The following NELL1 variants were observed in gnomAD, a reference collection of about 807,000 sequenced individuals.
NELL1 encodes neural EGFL like 1.
In NELL1, 76 loss-of-function variants were observed where a neutral mutation model predicts 107.4. The ratio of observed to expected loss-of-function variants is 0.71; its 90% CI spans 0.59 to 0.86. The LOEUF is 0.86. Among genes scored for constraint, NELL1 ranks in the 40% least tolerant of loss-of-function variants. The pLI, the probability that NELL1 is intolerant of heterozygous loss-of-function variation, is 0.00. For missense variants in NELL1, 1,024 were observed against 1,005.5 expected, an observed-to-expected ratio of 1.02 and a Z score of -0.25; for synonymous variants, 353 against 341.2, an observed-to-expected ratio of 1.03 and a Z score of -0.38.
At chr11:21,344,180 CA>C in intron 14 of NELL1, among the ~76,000 whole-genome samples, 1 of 152,260 alleles carries the variant, frequency 6.6e-6, no homozygotes, top group East Asian at 1.9e-4. Flanking sequence ...TCCTTGAAAC[CA>C]GCCAGTGTTG....
At chr11:21,096,833 C>A (rs1854654774) in intron 12 of NELL1, among the ~76,000 whole-genome samples, 1 of 152,084 alleles carries the variant, frequency 6.6e-6, no homozygotes, top group Non-Finnish European at 1.5e-5. Flanking sequence ...ACCTCAGCCT[C>A]CTAGGTAGCT....
chr11:21,449,986 CTT>C (rs1396069041), intron 15 of NELL1, among the ~76,000 whole-genome samples: 1 of 152,138 alleles, frequency 6.6e-6, no homozygotes, highest in Admixed American at 6.5e-5. Context: ...AGTTAGCCCT[CTT>C]TGTTTTTCTT....
At chr11:20,906,324 TATAATA>T (rs1183788333) in intron 5 of NELL1, among the ~76,000 whole-genome samples, 1 of 152,040 alleles carries the variant, frequency 6.6e-6, no homozygotes, top group African/African-American at 2.4e-5. Flanking sequence ...TGAAGAGACT[TATAATA>T]AGTAAAGTGT....
chr11:21,055,832 A>G (rs1444368111), intron 12 of NELL1, among the ~76,000 whole-genome samples: 1 of 136,668 alleles, frequency 7.3e-6, no homozygotes, highest in Non-Finnish European at 1.5e-5. Flanking sequence ...GAAGCTCAGT[A>G]AAAATCATTT....
chr11:20,879,639 A>G (rs907247980), intron 4 of NELL1, among the ~76,000 whole-genome samples: 2 of 152,160 alleles, frequency 1.3e-5, no homozygotes, highest in African/African-American at 4.8e-5. Context: ...TAAGCACACA[A>G]TCTTATAAAA....
chr11:20,765,052 G>A (rs561584421), intron 2 of NELL1, among the ~76,000 whole-genome samples: 37 of 152,154 alleles, frequency 2.4e-4, no homozygotes, highest in African/African-American at 8.0e-4. Flanking sequence ...CAGCTACTTC[G>A]GAGGCTGAGG....
At chr11:20,811,815 C>A (rs932319745) in intron 3 of NELL1, among the ~76,000 whole-genome samples, 6 of 151,886 alleles carry the variant, frequency 4.0e-5, no homozygotes, top group African/African-American at 1.4e-4. Flanking sequence ...TTTATTAGTT[C>A]TTATAGTTTT....
At chr11:21,501,780 A>G (rs1165133815) in intron 15 of NELL1, among the ~76,000 whole-genome samples, 1 of 152,170 alleles carries the variant, frequency 6.6e-6, no homozygotes, top group Admixed American at 6.6e-5. Context: ...TGATGGGGTA[A>G]GTGGAGGAAC....
At chr11:21,113,491 T>G (rs1332272759) in intron 12 of NELL1, 98 bp from the exon 13 acceptor site, 1 of 1,260,798 alleles carries the variant, frequency 7.9e-7, no homozygotes, top group Non-Finnish European at 1.1e-6. Flanking sequence ...TCTCTTGGCT[T>G]CTATGGACAT....
chr11:20,828,111 A>G (rs1016363394), intron 3 of NELL1, among the ~76,000 whole-genome samples: 2 of 151,128 alleles, frequency 1.3e-5, no homozygotes, highest in Non-Finnish European at 3.0e-5. Flanking sequence ...TACTGGTTGT[A>G]TTTTCTTGGA....
intron 13 of NELL1, among the ~76,000 whole-genome samples, chr11:21,114,720 A>G (rs1216488429): frequency 6.6e-6 from 1 of 152,038 alleles, no homozygotes; most frequent in Non-Finnish European, 1.5e-5. Context: ...TGAGGACCAC[A>G]TAAAGTCACA....
intron 15 of NELL1, among the ~76,000 whole-genome samples, chr11:21,490,786 T>C (rs530028716): frequency 6.6e-6 from 1 of 152,080 alleles, no homozygotes; most frequent in East Asian, 1.9e-4. Flanking sequence ...TCACCCCACA[T>C]ACAAAAATAA....
At chr11:20,694,954 A>G (rs1381504474) in intron 2 of NELL1, among the ~76,000 whole-genome samples, 1 of 152,008 alleles carries the variant, frequency 6.6e-6, no homozygotes, top group Admixed American at 6.6e-5. Context: ...TACTTGTGTC[A>G]TCTATAGTTT....
At chr11:20,947,647 G>A (rs375219447) in intron 11 of NELL1, among the ~76,000 whole-genome samples, 214 of 152,324 alleles carry the variant, frequency 1.4e-3, no homozygotes, top group Non-Finnish European at 2.6e-3. Context: ...TAAGACTGCT[G>A]TGAAGATTAA....
At chr11:21,409,541 C>T (rs1231372559) in intron 15 of NELL1, among the ~76,000 whole-genome samples, 1 of 151,468 alleles carries the variant, frequency 6.6e-6, no homozygotes, top group Non-Finnish European at 1.5e-5. Flanking sequence ...TGTAACTATC[C>T]TGCATATTGT....
intron 14 of NELL1, among the ~76,000 whole-genome samples, chr11:21,320,597 A>G (rs1427751559): frequency 6.6e-6 from 1 of 152,144 alleles, no homozygotes; most frequent in Non-Finnish European, 1.5e-5. Context: ...ACTGTACTAA[A>G]GTGGTTGGCT....
At chr11:21,090,787 G>T (rs1028455667) in intron 12 of NELL1, among the ~76,000 whole-genome samples, 6 of 152,180 alleles carry the variant, frequency 3.9e-5, no homozygotes, top group Non-Finnish European at 7.4e-5. Flanking sequence ...GGAGGCAAAT[G>T]AGAGCTTTAC....
At chr11:21,351,850 CATA>C (rs754445468) in intron 14 of NELL1, among the ~76,000 whole-genome samples, 98 of 152,228 alleles carry the variant, frequency 6.4e-4, no homozygotes, top group Non-Finnish European at 1.2e-3. Context: ...ACCTAAGTAA[CATA>C]ATGTCATTCT....
intron 12 of NELL1, among the ~76,000 whole-genome samples, chr11:20,965,018 C>T (rs1375662137): frequency 3.3e-5 from 5 of 152,038 alleles, no homozygotes; most frequent in East Asian, 1.9e-4. Context: ...TAGCGTAAGC[C>T]TACGATATGT....
Sources: gnomAD v4.1 joint callset for allele counts (sites outside exome capture counted in the v4.1 genomes callset) on GRCh38, gnomAD v4.1.1 for gene constraint, MANE v1.5 for transcripts, NCBI Gene and HGNC (gene_info 2026-07-23, HGNC 2026-07-21) for gene names.